The following FAR2 variants were observed in gnomAD, a reference collection of about 807,000 sequenced individuals.
FAR2 encodes the protein fatty acyl-CoA reductase 2.
A neutral mutation model predicts 56.0 loss-of-function variants in FAR2; 19 were observed. The observed-to-expected ratio is 0.34, with a 90% CI of 0.24 to 0.50. The LOEUF (loss-of-function observed/expected upper bound fraction) is 0.50. Among genes scored for constraint, FAR2 ranks in the 20% least tolerant of loss-of-function variants. FAR2 has a pLI of 0.98. For missense variants in FAR2, 508 were observed against 642.2 expected, an observed-to-expected ratio of 0.79 and a Z score of 2.26; for synonymous variants, 219 against 218.8, an observed-to-expected ratio of 1.00 and a Z score of -0.01.
At chr12:29,193,636 A>G (rs1255364730) in intron 1 of FAR2, among the ~76,000 whole-genome samples, 1 of 152,168 alleles carries the variant, frequency 6.6e-6, no homozygotes, top group Non-Finnish European at 1.5e-5. Context: ...CAGTTTGTTT[A>G]TTCACTCACC....
chr12:29,224,880 T>C (rs1947740107), intron 1 of FAR2, among the ~76,000 whole-genome samples: 1 of 152,210 alleles, frequency 6.6e-6, no homozygotes, highest in South Asian at 2.1e-4. Flanking sequence ...TTAATTGCCT[T>C]GTATCCTTCC....
At chr12:29,280,775 A>T (rs1319569272) in intron 2 of FAR2, 1 of 152,220 alleles carries the variant, frequency 6.6e-6, no homozygotes, top group Non-Finnish European at 1.5e-5. Context: ...AGTGGGGTAA[A>T]AGAGGCACTG....
chr12:29,288,787 G>A (rs1948913709), intron 2 of FAR2, among the ~76,000 whole-genome samples: 1 of 152,072 alleles, frequency 6.6e-6, no homozygotes. Flanking sequence ...CCATTCTATT[G>A]TAGTAATAGT....
intron 1 of FAR2, among the ~76,000 whole-genome samples, chr12:29,149,661 A>G (rs1297012111): frequency 6.6e-6 from 1 of 152,160 alleles, no homozygotes; most frequent in Non-Finnish European, 1.5e-5. Flanking sequence ...GCGTCGGCGG[A>G]GCCCGCCAAG....
At chr12:29,307,399 A>ACCTG (rs1949268812) in intron 4 of FAR2, among the ~76,000 whole-genome samples, 2 of 129,592 alleles carry the variant, frequency 1.5e-5, no homozygotes, top group African/African-American at 5.6e-5. Flanking sequence ...CTATCTACCT[A>ACCTG]CCTGCCTGCC....
At chr12:29,252,640 A>T (rs1691323279) in intron 1 of FAR2, among the ~76,000 whole-genome samples, 1 of 152,256 alleles carries the variant, frequency 6.6e-6, no homozygotes, top group South Asian at 2.1e-4. Flanking sequence ...CACGAAAAAA[A>T]GTAAACATCA....
chr12:29,248,340 A>G (rs1948159974), intron 1 of FAR2, among the ~76,000 whole-genome samples: 1 of 152,182 alleles, frequency 6.6e-6, no homozygotes, highest in Admixed American at 6.5e-5. Context: ...AGAGTACAAA[A>G]GAGAGAAATT....
chr12:29,173,466 T>C (rs954041261), intron 1 of FAR2, among the ~76,000 whole-genome samples: 1 of 152,158 alleles, frequency 6.6e-6, no homozygotes, highest in African/African-American at 2.4e-5. Flanking sequence ...AAGGAAAGCT[T>C]GGACATAAGG....
chr12:29,285,699 T>C (rs1189733753), intron 2 of FAR2, among the ~76,000 whole-genome samples: 1 of 152,138 alleles, frequency 6.6e-6, no homozygotes, highest in Non-Finnish European at 1.5e-5. Flanking sequence ...GGCAGACAGA[T>C]CACAAGGTGA....
chr12:29,186,411 C>CT (rs1228956874), intron 1 of FAR2, among the ~76,000 whole-genome samples: 2 of 152,180 alleles, frequency 1.3e-5, no homozygotes, highest in Non-Finnish European at 2.9e-5. Flanking sequence ...GGAGATTGGT[C>CT]TGATAGACTG....
chr12:29,245,436 T>C (rs906377642), intron 1 of FAR2, among the ~76,000 whole-genome samples: 16 of 152,238 alleles, frequency 1.1e-4, no homozygotes, highest in Admixed American at 8.5e-4. Context: ...TATGTGTCAG[T>C]ACTCATTAAA....
At chr12:29,234,459 T>A (rs761780902) in intron 1 of FAR2, among the ~76,000 whole-genome samples, 5 of 152,130 alleles carry the variant, frequency 3.3e-5, no homozygotes, top group Non-Finnish European at 7.4e-5. Context: ...TTCTGTCCCT[T>A]CTTTCACCCT....
intron 1 of FAR2, among the ~76,000 whole-genome samples, chr12:29,257,671 C>T (rs532653329): frequency 1.6e-4 from 24 of 151,776 alleles, no homozygotes; most frequent in Non-Finnish European, 3.2e-4. Context: ...CCAGACGCGC[C>T]GCCTTAAGAG....
intron 1 of FAR2, among the ~76,000 whole-genome samples, chr12:29,267,361 C>T (rs1948535363): frequency 6.6e-6 from 1 of 152,200 alleles, no homozygotes; most frequent in Non-Finnish European, 1.5e-5. Context: ...TGTATTCACT[C>T]ATTCCATCCT....
intron 1 of FAR2, among the ~76,000 whole-genome samples, chr12:29,190,062 T>G (rs555500455): frequency 6.6e-6 from 1 of 152,286 alleles, no homozygotes; most frequent in East Asian, 1.9e-4. Flanking sequence ...TGATGCCATT[T>G]GCTGAGGTGG....
At chr12:29,274,866 G>A (rs902713147) in intron 2 of FAR2, among the ~76,000 whole-genome samples, 4 of 149,378 alleles carry the variant, frequency 2.7e-5, no homozygotes, top group African/African-American at 9.9e-5. Flanking sequence ...CTCTCTTTTC[G>A]GACTCAGCCC....
intron 2 of FAR2, among the ~76,000 whole-genome samples, chr12:29,289,466 T>G (rs1369693758): frequency 6.6e-6 from 1 of 152,302 alleles, no homozygotes; most frequent in South Asian, 2.1e-4. Context: ...CAATAAATGG[T>G]GTTGGGAAAA....
At chr12:29,311,527 G>A (rs981372819) in intron 7 of FAR2, among the ~76,000 whole-genome samples, 4 of 151,842 alleles carry the variant, frequency 2.6e-5, no homozygotes, top group African/African-American at 7.3e-5. Context: ...GTTCAGTCAC[G>A]ATGTGTGGGG....
In FAR2 at chr12:29,157,106, T is replaced by TTTTA. The variant is rs1207127541; in HGVS notation, c.-39+7700_-39+7701insTTAT. The stretch of plus-strand genomic sequence containing the variant: ...CACCAGTATTAAAGCAAAGAACATT[T>TTTTA]TATATATATATATATATATATATAT... On this transcript the variant is annotated intron_variant, in intron 1 of 11. Transcript: ENST00000536681. 136 of 73,452 alleles carry TTTTA rather than the reference T, an allele frequency of 1.9e-3. 2 individuals are homozygous for TTTTA. Among genetic ancestry groups the TTTTA allele is most frequent in the Admixed American group, 8.0e-3 (40 of 5,016 alleles). 4.6% of individuals were successfully genotyped at this position (73,452 alleles called of 1,614,324 possible).
Sources: gnomAD v4.1 joint callset for allele counts (sites outside exome capture counted in the v4.1 genomes callset) on GRCh38, gnomAD v4.1.1 for gene constraint, MANE v1.5 for transcripts, NCBI Gene and HGNC (gene_info 2026-07-23, HGNC 2026-07-21) for gene names.